COX5A: variants seen among roughly 807,000 people sequenced by gnomAD.
COX5A encodes the protein cytochrome c oxidase subunit 5A, also known as cytochrome c oxidase subunit 5A, mitochondrial.
COX5A carries 6 observed loss-of-function variants against 16.1 expected under a neutral mutation model. The ratio of observed to expected loss-of-function variants is 0.37; its 90% CI spans 0.20 to 0.73. The LOEUF is 0.73. COX5A is among the 30% of genes least tolerant of loss of function. The pLI, the probability that COX5A is intolerant of heterozygous loss-of-function variation, is 0.50. For missense variants in COX5A, 159 were observed against 194.9 expected (o/e 0.82, Z 1.10); for synonymous variants, 73 against 73.8 (o/e 0.99, Z 0.06).
In COX5A at chr15:74,938,057, G is replaced by T. The variant is rs972026132; in HGVS notation, c.-43C>A. On this transcript the variant is annotated 5_prime_UTR_variant, in exon 1 of 5. Coordinates refer to ENST00000322347, the MANE Select transcript of COX5A (RefSeq NM_004255.4). ...GCGGGCTGAGGACAGAGAGAAGCCGGTGTAAGCTCGCGGGTTGCTCCGGAG... is the reference window on the plus strand; with the variant it reads ...GCGGGCTGAGGACAGAGAGAAGCCGTTGTAAGCTCGCGGGTTGCTCCGGAG... 34 of 1,191,054 alleles carry T rather than the reference G, an allele frequency of 2.9e-5. No individual in the cohort carries two copies. Among genetic ancestry groups the T allele is most frequent in the Non-Finnish European group, 3.5e-5 (33 of 952,216 alleles). 73.8% of individuals were successfully genotyped at this position (1,191,054 alleles called of 1,614,324 possible).
chr15:74,923,467 C>A, intron 4 of COX5A, 181 bp downstream of exon 4: 1 of 494,360 alleles, frequency 2.0e-6, no homozygotes, highest in Admixed American at 3.8e-5. Flanking sequence ...ATAATGACAA[C>A]AACTAGAAAT....
intron 4 of COX5A, among the ~76,000 whole-genome samples, chr15:74,920,846 C>A (rs991308638): frequency 1.3e-5 from 2 of 151,954 alleles, no homozygotes; most frequent in African/African-American, 4.8e-5. Context: ...GGTGTGGTGG[C>A]CCATGCCTGC....
chr15:74,929,167 A>T lies in COX5A; in HGVS notation c.166T>A (p.Trp56Arg). Residue 56 changes from tryptophan to arginine, a missense_variant, in exon 2 of 5, where the codon TGG becomes AGG. Transcript: ENST00000322347. The stretch of plus-strand genomic sequence containing the variant: ...TCTGGCTTGTTGAAGTATGTTACCC[A>T]GCGAGCATCAAACTCCTCATCTGTC... Reference protein sequence around the residue: ...QETDEEFDARWVTYFNKPDID... With the variant: ...QETDEEFDARRVTYFNKPDID... 6.2e-7 allele frequency: 1 copy of T among 1,614,188 alleles called. No individual in the cohort carries two copies. The highest frequency in any genetic ancestry group is 8.5e-7 in the Non-Finnish European group (1 of 1,180,012).
At chr15:74,934,793 A>G (rs1342205530) in intron 1 of COX5A, among the ~76,000 whole-genome samples, 1 of 152,176 alleles carries the variant, frequency 6.6e-6, no homozygotes, top group Non-Finnish European at 1.5e-5. Context: ...TCCACCTAGT[A>G]TTGAAGCTTG....
Position 74,921,252 on chromosome 15 carries a change from C to T in COX5A, c.*10-810G>A, listed in dbSNP as rs534164938. 2.0e-5 allele frequency among the ~76,000 whole-genome samples: 3 copies of T among 150,998 alleles called. No homozygotes were observed. In the East Asian group the frequency reaches 5.9e-4, roughly 30 times the overall value. On this transcript the variant is annotated intron_variant, in intron 4 of 4. Transcript: ENST00000322347. ...TGAAACCCCGTCTCTACTAAAAATA[C>T]AAAAAATTAGCCGGGCATGGTGGCG...
At chr15:74,922,054 A>G (rs1229970705) in intron 4 of COX5A, among the ~76,000 whole-genome samples, 4 of 152,132 alleles carry the variant, frequency 2.6e-5, no homozygotes, top group Admixed American at 6.6e-5. Context: ...AAATTAAACA[A>G]AAACAAACAA....
At chr15:74,937,800 A>G in intron 1 of COX5A, 115 bp downstream of exon 1, 3 of 626,232 alleles carry the variant, frequency 4.8e-6, no homozygotes, top group South Asian at 1.7e-4. Flanking sequence ...CACCGGGTTC[A>G]GTAACCAGGG....
At chr15:74,931,016 CAAAA>C (rs61417867) in intron 1 of COX5A, among the ~76,000 whole-genome samples, 10 of 23,728 alleles carry the variant, frequency 4.2e-4, no homozygotes, top group Admixed American at 1.2e-3. Flanking sequence ...GACTCTGTCT[CAAAA>C]AAAAAAAAAA....
intron 1 of COX5A, among the ~76,000 whole-genome samples, chr15:74,933,195 C>T (rs998399701): frequency 1.3e-5 from 2 of 151,858 alleles, no homozygotes; most frequent in Non-Finnish European, 2.9e-5. Flanking sequence ...AGGCAGATCA[C>T]TTGAGGCCAG....
At chr15:74,930,434 CAAT>C (rs2065361895) in intron 1 of COX5A, among the ~76,000 whole-genome samples, 1 of 124,934 alleles carries the variant, frequency 8.0e-6, no homozygotes, top group Middle Eastern at 3.8e-3. Context: ...AAAAAAAAGA[CAAT>C]AAACAACAAC....
chr15:74,921,711 C>CA (rs1162220069), intron 4 of COX5A, among the ~76,000 whole-genome samples: 2 of 152,216 alleles, frequency 1.3e-5, no homozygotes, highest in African/African-American at 2.4e-5. Context: ...GCCTGGGCGA[C>CA]AGAGTGAGAC....
intron 3 of COX5A, among the ~76,000 whole-genome samples, chr15:74,925,874 T>A (rs1044182758): frequency 6.7e-6 from 1 of 149,976 alleles, no homozygotes; most frequent in Non-Finnish European, 1.5e-5. Flanking sequence ...TCCTTTCTTT[T>A]TTTTTTTAGA....
At position 74,929,105 on chromosome 15, in the gene COX5A, G is replaced by A; in HGVS notation, c.217+11C>T. On this transcript the variant is annotated intron_variant, in intron 2 of 4. Coordinates refer to ENST00000322347, the MANE Select transcript of COX5A (RefSeq NM_004255.4). The stretch of plus-strand genomic sequence containing the variant: ...CACCAAAATAGACAAATATGTTTAT[G>A]TTCCAATTACCTTTACGCAATTCCC... 1 of 1,560,222 alleles carries A rather than the reference G, an allele frequency of 6.4e-7. No homozygotes were observed. Among genetic ancestry groups the A allele is most frequent in the Non-Finnish European group, 8.8e-7 (1 of 1,131,288 alleles).
intron 3 of COX5A, among the ~76,000 whole-genome samples, chr15:74,926,374 C>T (rs1392159969): frequency 2.0e-5 from 3 of 151,730 alleles, no homozygotes; most frequent in Non-Finnish European, 4.4e-5. Flanking sequence ...CAGGGTTTCA[C>T]CATGTTGGCC....
intron 4 of COX5A, among the ~76,000 whole-genome samples, chr15:74,920,748 C>T (rs530791752): frequency 6.6e-6 from 1 of 152,200 alleles, no homozygotes; most frequent in Admixed American, 6.5e-5. Flanking sequence ...AAAGCCGAGG[C>T]GAATGGATTG....
intron 3 of COX5A, among the ~76,000 whole-genome samples, chr15:74,925,356 T>C (rs1213504499): frequency 6.6e-6 from 1 of 152,000 alleles, no homozygotes; most frequent in Non-Finnish European, 1.5e-5. Context: ...GGAGGAAAAT[T>C]AGTATATATC....
intron 1 of COX5A, among the ~76,000 whole-genome samples, chr15:74,931,223 G>T (rs1474540730): frequency 1.3e-5 from 2 of 151,954 alleles, no homozygotes; most frequent in African/African-American, 4.8e-5. Flanking sequence ...ATTTTGGGCT[G>T]GGCGCAGTGG....
At chr15:74,937,654 C>T (rs1481496435) in intron 1 of COX5A, 2 of 298,234 alleles carry the variant, frequency 6.7e-6, no homozygotes, top group African/African-American at 4.4e-5. Context: ...CGCTGCGTCC[C>T]CTCCTCGGCG....
chr15:74,929,067 G>T, intron 2 of COX5A, 49 bp downstream of exon 2: 1 of 1,287,082 alleles, frequency 7.8e-7, no homozygotes, highest in Non-Finnish European at 1.1e-6. Context: ...AGCAGAAGCA[G>T]TTCATATTTA....
Sources: allele counts gnomAD v4.1 joint callset (sites outside exome capture counted in the v4.1 genomes callset), GRCh38; gene constraint gnomAD v4.1.1; transcripts MANE v1.5; gene names NCBI Gene and HGNC (gene_info 2026-07-23, HGNC 2026-07-21).